Variants in PITPNM2 observed in about 807,000 individuals in gnomAD.
The protein encoded by PITPNM2 is phosphatidylinositol transfer protein membrane associated 2.
PITPNM2 carries 35 observed loss-of-function variants against 132.2 expected under a neutral mutation model. That is an observed-to-expected ratio of 0.26 (90% CI 0.20 to 0.35). PITPNM2 has a LOEUF of 0.35. Ranked by LOEUF, PITPNM2 falls within the 10% of genes least tolerant of loss-of-function variation. The probability of loss-of-function intolerance (pLI) is 1.00; values close to 1 mark genes in which losing one functional copy is unlikely to be tolerated. For synonymous variants in PITPNM2, 738 were observed against 799.2 expected (o/e 0.92, Z 1.29); for missense variants, 1,332 against 1,912.0 (o/e 0.70, Z 5.66).
intron 2 of PITPNM2, among the ~76,000 whole-genome samples, chr12:123,063,024 TATAA>T (rs1214680355): frequency 6.6e-6 from 1 of 152,230 alleles, no homozygotes; most frequent in Admixed American, 6.5e-5. Flanking sequence ...CAGCAATGCC[TATAA>T]ATATATTCAT....
intron 3 of PITPNM2, among the ~76,000 whole-genome samples, chr12:123,026,738 C>G (rs1241414632): frequency 6.6e-6 from 1 of 152,226 alleles, no homozygotes; most frequent in Non-Finnish European, 1.5e-5. Flanking sequence ...GCAGGCTCAC[C>G]CAGTAGCATC....
intron 2 of PITPNM2, chr12:123,105,581 G>A (rs1325182099): frequency 2.0e-5 from 3 of 152,206 alleles, no homozygotes; most frequent in African/African-American, 7.2e-5. Flanking sequence ...TGACACAGGG[G>A]ACACAGATCC....
At chr12:122,998,111 C>A (rs924313630) in intron 10 of PITPNM2, among the ~76,000 whole-genome samples, 1 of 152,164 alleles carries the variant, frequency 6.6e-6, no homozygotes, top group African/African-American at 2.4e-5. Flanking sequence ...TGGGCGGCAA[C>A]CCCAGCTACT....
rs778101863 is a variant in PITPNM2, at chr12:122,992,653, C to T, written c.2250G>A (p.Pro750=). The change falls in exon 16 of 26, where the codon CCG becomes CCA. Residue 750 remains proline, a synonymous_variant. Coordinates refer to ENST00000320201, the MANE Select transcript of PITPNM2 (RefSeq NM_020845.3). The surrounding 1 kb of genome is among the most constrained non-coding windows in gnomAD (Gnocchi z 6.5). ...IPALDVFQLR[P]ACQQVYNLFH... ...AGAGGTTGTAGACTTGCTGGCAGGC[C>T]GGCCGCAGCTGGAAAACTGGGGGTG... 53 of 1,558,870 alleles carry T rather than the reference C, an allele frequency of 3.4e-5. No individual in the cohort carries two copies. In the Admixed American group the frequency reaches 4.9e-4, roughly 14 times the overall value.
In PITPNM2 at chr12:123,000,574, T is replaced by C; in HGVS notation, c.1224+204A>G. The C allele has an allele frequency of 3.0e-6, 2 of 674,068 alleles. No individual in the cohort carries two copies. Among genetic ancestry groups the C allele is most frequent in the South Asian group, 1.6e-5 (1 of 61,656 alleles). The allele number at this position is 674,068 out of a possible 1,614,324, so 41.8% of individuals were successfully genotyped here. A position where few individuals can be genotyped will look rare whatever the true frequency, so the allele number is the denominator to read the frequency against. ...CTGTAGTCCCTGGTTCTCGGGGACC[T>C]CAGAGACAGAGGGCGACAGGCGCCT... On this transcript the variant is annotated intron_variant, in intron 10 of 25. Coordinates refer to ENST00000320201, the MANE Select transcript of PITPNM2 (RefSeq NM_020845.3). This position sits in a 1 kb window ranked among gnomAD's most constrained non-coding sequence, Gnocchi z 5.4.
At chr12:123,085,811 T>C (rs118055598) in intron 2 of PITPNM2, among the ~76,000 whole-genome samples, 1 of 152,330 alleles carries the variant, frequency 6.6e-6, no homozygotes, top group Non-Finnish European at 1.5e-5. Context: ...ACAGACTCAA[T>C]GCTTAAAGCA....
chr12:123,003,699 G>A lies in PITPNM2; in HGVS notation c.1048+695C>T, dbSNP rs1052900317. 5.3e-5 allele frequency among the ~76,000 whole-genome samples: 8 copies of A among 152,324 alleles called. No homozygotes were observed. The South Asian group carries it at 1.0e-3, about 20-fold the overall frequency. Reference sequence around the variant, plus strand: ...GTGTCTGCTGAGTGCCTATGGGCTCGCCCCCATCCCTTTCTGAGCCTCTGA... The same window carrying A: ...GTGTCTGCTGAGTGCCTATGGGCTCACCCCCATCCCTTTCTGAGCCTCTGA... On this transcript the variant is annotated intron_variant, in intron 8 of 25. Coordinates refer to ENST00000320201, the MANE Select transcript of PITPNM2 (RefSeq NM_020845.3).
chr12:123,114,786 A>C (rs1328350361), intron 1 of PITPNM2, among the ~76,000 whole-genome samples: 3 of 152,190 alleles, frequency 2.0e-5, no homozygotes, highest in African/African-American at 7.2e-5. Context: ...TAAAGAAAGC[A>C]AGTGCTTAGC....
In PITPNM2 at chr12:123,022,439, C is replaced by T. The variant is rs2039705887; in HGVS notation, c.79-8397G>A. ...GCCACAACTGCTCAACTGTCATTAT[C>T]AGGAGCCAATGCAGGCAGGGAGAGA... On this transcript the variant is annotated intron_variant, in intron 3 of 25. Transcript: ENST00000320201. This position sits in a 1 kb window ranked among gnomAD's most constrained non-coding sequence, Gnocchi z 4.9. 6.6e-6 allele frequency among the ~76,000 whole-genome samples: 1 copy of T among 152,176 alleles called. No individual in the cohort carries two copies. The highest frequency in any genetic ancestry group is 2.4e-5 in the African/African-American group (1 of 41,426).
intron 1 of PITPNM2, among the ~76,000 whole-genome samples, chr12:123,149,437 C>T (rs1230059474): frequency 6.6e-6 from 1 of 152,168 alleles, no homozygotes; most frequent in Non-Finnish European, 1.5e-5. Context: ...CCACAGAATA[C>T]AGTCCCTTCA....
intron 2 of PITPNM2, among the ~76,000 whole-genome samples, chr12:123,094,787 A>C (rs932638589): frequency 1.3e-5 from 2 of 152,122 alleles, no homozygotes; most frequent in African/African-American, 4.8e-5. Context: ...GTTCCCATCT[A>C]AGAATCGAAG....
chr12:123,052,284 G>A (rs2040886735), intron 2 of PITPNM2, among the ~76,000 whole-genome samples: 1 of 151,820 alleles, frequency 6.6e-6, no homozygotes, highest in African/African-American at 2.4e-5. Context: ...GTTTCCTAGG[G>A]CAACCATCAC....
chr12:123,000,016 G>C lies in PITPNM2; in HGVS notation c.1224+762C>G, dbSNP rs933183393. On this transcript the variant is annotated intron_variant, in intron 10 of 25. Transcript: ENST00000320201. This position sits in a 1 kb window ranked among gnomAD's most constrained non-coding sequence, Gnocchi z 5.4. ...ATTCCATGACCCTTTCTAGAAAGCTGACCTCGGCATCAGACCGCAAAGCAG... is the reference window on the plus strand; with the variant it reads ...ATTCCATGACCCTTTCTAGAAAGCTCACCTCGGCATCAGACCGCAAAGCAG... Among the ~76,000 whole-genome samples, 2 of 152,194 alleles carry C rather than the reference G, an allele frequency of 1.3e-5. No individual in the cohort carries two copies. The highest frequency in any genetic ancestry group is 2.9e-5 in the Non-Finnish European group (2 of 68,028).
intron 2 of PITPNM2, among the ~76,000 whole-genome samples, chr12:123,051,675 A>C (rs1322598177): frequency 6.6e-6 from 1 of 152,142 alleles, no homozygotes. Context: ...TTAGTGCTTT[A>C]TCTCTTCTTC....
chr12:123,145,015 T>C (rs967156834), intron 1 of PITPNM2, among the ~76,000 whole-genome samples: 4 of 152,130 alleles, frequency 2.6e-5, no homozygotes, highest in African/African-American at 9.7e-5. Flanking sequence ...AGGGACTTTA[T>C]AGAACATAAC....
At chr12:123,030,621 A>C (rs2040052910) in intron 3 of PITPNM2, among the ~76,000 whole-genome samples, 1 of 151,602 alleles carries the variant, frequency 6.6e-6, no homozygotes, top group South Asian at 2.1e-4. Context: ...TGAACCCGGG[A>C]GGCGGAGCTT....
In PITPNM2 at chr12:123,031,380, G is replaced by A. The variant is rs1216992699; in HGVS notation, c.78+3133C>T. On this transcript the variant is annotated intron_variant, in intron 3 of 25. Coordinates refer to ENST00000320201, the MANE Select transcript of PITPNM2 (RefSeq NM_020845.3). The surrounding 1 kb of genome is among the most constrained non-coding windows in gnomAD (Gnocchi z 4.5). ...GGGGCTGTGGAGGCCAGAACCCAGCGATGCATCCGCCTGTCTAAGACCCAG... is the reference window on the plus strand; with the variant it reads ...GGGGCTGTGGAGGCCAGAACCCAGCAATGCATCCGCCTGTCTAAGACCCAG... 2.0e-5 allele frequency among the ~76,000 whole-genome samples: 3 copies of A among 152,180 alleles called. No homozygotes were observed. Among genetic ancestry groups the A allele is most frequent in the Non-Finnish European group, 4.4e-5 (3 of 68,038 alleles).
intron 2 of PITPNM2, among the ~76,000 whole-genome samples, chr12:123,102,965 C>T (rs2042601675): frequency 6.6e-6 from 1 of 152,182 alleles, no homozygotes; most frequent in Admixed American, 6.5e-5. Flanking sequence ...ACTCAGTCGC[C>T]CAGGCTGGAG....
chr12:123,025,437 T>C (rs2039825329), intron 3 of PITPNM2, among the ~76,000 whole-genome samples: 1 of 151,686 alleles, frequency 6.6e-6, no homozygotes, highest in African/African-American at 2.4e-5. Context: ...CCAGATTTTT[T>C]TTTTTTTTTT....
Sources: allele counts gnomAD v4.1 joint callset (sites outside exome capture counted in the v4.1 genomes callset), GRCh38; gene constraint gnomAD v4.1.1; non-coding constraint Gnocchi (gnomAD v3.1); transcripts MANE v1.5; gene names NCBI Gene and HGNC (gene_info 2026-07-23, HGNC 2026-07-21).